The following GMCL1 variants were observed in gnomAD, a reference collection of about 807,000 sequenced individuals.
The protein encoded by GMCL1 is germ cell-less 1, spermatogenesis associated.
In GMCL1, 54 loss-of-function variants were observed where a neutral mutation model predicts 75.5. The ratio of observed to expected loss-of-function variants is 0.71; its 90% CI spans 0.57 to 0.90. GMCL1 has a LOEUF of 0.90. Among genes scored for constraint, GMCL1 ranks in the 40% least tolerant of loss-of-function variants. The probability of loss-of-function intolerance (pLI) is 0.00; values close to 1 mark genes in which losing one functional copy is unlikely to be tolerated. For synonymous variants in GMCL1, 210 were observed against 209.6 expected, an observed-to-expected ratio of 1.00 and a Z score of -0.02; for missense variants, 537 against 622.7, an observed-to-expected ratio of 0.86 and a Z score of 1.47.
At chr2:69,830,942 CAG>C (rs1310053231) in intron 1 of GMCL1, among the ~76,000 whole-genome samples, 2 of 152,148 alleles carry the variant, frequency 1.3e-5, no homozygotes, top group Admixed American at 6.5e-5. Flanking sequence ...CTTTTTGAGA[CAG>C]AGCCTTGCTC....
At chr2:69,842,123 T>G (rs1449036740) in intron 4 of GMCL1, among the ~76,000 whole-genome samples, 1 of 152,156 alleles carries the variant, frequency 6.6e-6, no homozygotes, top group African/African-American at 2.4e-5. Flanking sequence ...AAAAACTTGT[T>G]GCATTCGTCC....
intron 7 of GMCL1, among the ~76,000 whole-genome samples, chr2:69,849,038 C>T (rs1019926157): frequency 2.0e-5 from 3 of 152,184 alleles, no homozygotes; most frequent in Admixed American, 2.0e-4. Flanking sequence ...TATAAAATTT[C>T]TAATTAATAT....
At chr2:69,877,983 A>C (rs1676172827) in intron 13 of GMCL1, among the ~76,000 whole-genome samples, 1 of 152,214 alleles carries the variant, frequency 6.6e-6, no homozygotes, top group South Asian at 2.1e-4. Context: ...GGCATTTAAA[A>C]CGTAGGAATT....
At chr2:69,874,172 A>G (rs1676060553) in intron 13 of GMCL1, among the ~76,000 whole-genome samples, 1 of 152,234 alleles carries the variant, frequency 6.6e-6, no homozygotes, top group South Asian at 2.1e-4. Context: ...ATAAATTCCA[A>G]GAAGTAGAAT....
chr2:69,854,812 G>GT lies in GMCL1; in HGVS notation c.935-5dup, dbSNP rs780083786. The GT allele has an allele frequency of 3.8e-6, 6 of 1,599,766 alleles. No individual in the cohort carries two copies. Among genetic ancestry groups the GT allele is most frequent in the South Asian group, 3.4e-5 (3 of 88,286 alleles). On this transcript the variant is annotated splice_polypyrimidine_tract_variant and intron_variant, in intron 8 of 13. Coordinates refer to ENST00000282570, the MANE Select transcript of GMCL1 (RefSeq NM_178439.5). ...AAAGAATGGCTGTTTAACTTACATGGTTTTTTATAGATTTTGAAGGTATGG... is the reference window on the plus strand; with the variant it reads ...AAAGAATGGCTGTTTAACTTACATGGTTTTTTTATAGATTTTGAAGGTATGG...
chr2:69,842,682 T>G (rs536874570), intron 4 of GMCL1: 1 of 152,378 alleles, frequency 6.6e-6, no homozygotes, highest in East Asian at 1.9e-4. Context: ...TATACTTGTT[T>G]TAAGTCTATC....
At position 69,874,057 on chromosome 2, in the gene GMCL1, A is replaced by G. The variant is rs145154957; in HGVS notation, c.1452+2225A>G. On this transcript the variant is annotated intron_variant, in intron 13 of 13. Coordinates refer to ENST00000282570, the MANE Select transcript of GMCL1 (RefSeq NM_178439.5). Reference sequence around the variant, plus strand: ...ATATTAGTTGTTTTGGCTATACCGTAACTTAGATAATTCCTCTTTATTGGA... The same window carrying G: ...ATATTAGTTGTTTTGGCTATACCGTGACTTAGATAATTCCTCTTTATTGGA... 4.3e-4 allele frequency among the ~76,000 whole-genome samples: 65 copies of G among 151,538 alleles called. 1 individual carries two copies. The highest frequency in any genetic ancestry group is 1.5e-3 in the African/African-American group (62 of 41,224).
intron 11 of GMCL1, 44 bp downstream of exon 11, chr2:69,865,019 T>C (rs1242193510): frequency 7.2e-7 from 1 of 1,398,156 alleles, no homozygotes; most frequent in Non-Finnish European, 1.0e-6. Flanking sequence ...ACAAATTGTA[T>C]TATCAGCACA....
rs752735580 is a variant in GMCL1 at position 69,847,524 on chromosome 2, C to T, written c.759-19C>T. On this transcript the variant is annotated intron_variant, in intron 6 of 13. Coordinates refer to ENST00000282570, the MANE Select transcript of GMCL1 (RefSeq NM_178439.5). ...CTGTGCCTAAAGATAAGCTCACTCC[C>T]TCTATTTATCCTTTTCAGTATAAAT... 6.7e-7 allele frequency: 1 copy of T among 1,484,756 alleles called. No homozygotes were observed. The highest frequency in any genetic ancestry group is 2.3e-5 in the East Asian group (1 of 44,186). 92.0% of individuals were successfully genotyped at this position (1,484,756 alleles called of 1,614,324 possible).
intron 11 of GMCL1, among the ~76,000 whole-genome samples, chr2:69,867,505 C>T: frequency 6.6e-6 from 1 of 152,174 alleles, no homozygotes; most frequent in East Asian, 1.9e-4. Context: ...TTTTTAACTC[C>T]ATTCTGGATA....
intron 11 of GMCL1, among the ~76,000 whole-genome samples, chr2:69,866,053 A>T (rs1675807536): frequency 6.6e-6 from 1 of 152,194 alleles, no homozygotes; most frequent in Non-Finnish European, 1.5e-5. Context: ...GATCAAGACC[A>T]TCCTGGCTAA....
In GMCL1 at chr2:69,839,320, A is replaced by C. The variant is rs1674912924; in HGVS notation, c.385-137A>C. 4 of 527,600 alleles carry C rather than the reference A, an allele frequency of 7.6e-6. No individual in the cohort carries two copies. The South Asian group carries it at 9.4e-5, about 12-fold the overall frequency. The allele number at this position is 527,600 out of a possible 1,614,324, so 32.7% of individuals were successfully genotyped here. Reference sequence around the variant, plus strand: ...CTTTTCTCCTGTGGACATATTTGGCAGTTCTTTTTCTGTTGAAGTAATAGA... The same window carrying C: ...CTTTTCTCCTGTGGACATATTTGGCCGTTCTTTTTCTGTTGAAGTAATAGA... On this transcript the variant is annotated intron_variant, in intron 2 of 13. Transcript: ENST00000282570.
At chr2:69,872,035 A>C (rs567686088) in intron 13 of GMCL1, among the ~76,000 whole-genome samples, 2 of 152,228 alleles carry the variant, frequency 1.3e-5, no homozygotes, top group Non-Finnish European at 2.9e-5. Context: ...ATTAGGAGAA[A>C]AAAAGAAAAC....
rs1194216494 is a variant in GMCL1 at position 69,830,144 on chromosome 2, C to G, written c.252C>G (p.Thr84=). 1 of 1,564,082 alleles carries G rather than the reference C, an allele frequency of 6.4e-7. No homozygotes were observed. The highest frequency in any genetic ancestry group is 8.7e-7 in the Non-Finnish European group (1 of 1,154,074). The part of the protein sequence containing the change: ...EGDEQQRLLN[T]PRRKKLKSTS... ...ACGAGCAGCAGCGGCTCCTCAACAC[C>G]CCTCGAAGGTACGTGGGGGCACGCA... is the stretch of plus-strand genomic sequence containing the variant. Residue 84 remains threonine (T), a synonymous_variant, in exon 1 of 14, where the codon ACC becomes ACG. Coordinates refer to ENST00000282570, the MANE Select transcript of GMCL1 (RefSeq NM_178439.5).
At chr2:69,862,737 C>T (rs1046951241) in intron 10 of GMCL1, among the ~76,000 whole-genome samples, 6 of 148,772 alleles carry the variant, frequency 4.0e-5, no homozygotes, top group Non-Finnish European at 7.4e-5. Context: ...CCAGCCTGGG[C>T]AACAAGAGCA....
intron 1 of GMCL1, among the ~76,000 whole-genome samples, chr2:69,836,039 C>T (rs1426617558): frequency 6.6e-6 from 1 of 152,166 alleles, no homozygotes. Context: ...TCTGTACTCT[C>T]CTTATCTATA....
chr2:69,849,891 C>T (rs1362463667), intron 8 of GMCL1, 149 bp downstream of exon 8: 2 of 468,542 alleles, frequency 4.3e-6, no homozygotes, highest in South Asian at 5.3e-5. Flanking sequence ...TGGAGAAGAC[C>T]TTAGCAATTA....
At chr2:69,839,433 C>G in intron 2 of GMCL1, 24 bp from the exon 3 acceptor site, 1 of 1,382,836 alleles carries the variant, frequency 7.2e-7, no homozygotes, top group Non-Finnish European at 1.0e-6. Context: ...ACTTGATAAT[C>G]GTTGACTTTT....
intron 2 of GMCL1, among the ~76,000 whole-genome samples, chr2:69,838,363 A>AAAAAAAAAAAAACC (rs1674882738): frequency 6.6e-6 from 1 of 150,426 alleles, no homozygotes; most frequent in Admixed American, 6.6e-5. Flanking sequence ...AAAAAAAAAA[A>AAAAAAAAAAAAACC]ATCGGAGCTT....
Sources: gnomAD v4.1 joint callset for allele counts (sites outside exome capture counted in the v4.1 genomes callset) on GRCh38, gnomAD v4.1.1 for gene constraint, MANE v1.5 for transcripts, NCBI Gene and HGNC (gene_info 2026-07-23, HGNC 2026-07-21) for gene names.